GPC5: variants seen among roughly 807,000 people sequenced by gnomAD.
GPC5 encodes glypican 5, also known as glypican-5.
Under a neutral mutation model 53.9 loss-of-function variants are expected in GPC5, and 47 were observed. The ratio of observed to expected loss-of-function variants is 0.87; its 90% CI spans 0.69 to 1.11. GPC5 has a LOEUF of 1.11. GPC5 is among the 50% of genes most tolerant of loss of function. GPC5 has a pLI of 0.00. For missense variants in GPC5, 748 were observed against 713.1 expected (o/e 1.05, Z -0.56); for synonymous variants, 286 against 263.3 (o/e 1.09, Z -0.84).
At chr13:92,064,014 G>T (rs2138856516) in intron 6 of GPC5, among the ~76,000 whole-genome samples, 1 of 152,212 alleles carries the variant, frequency 6.6e-6, no homozygotes, top group South Asian at 2.1e-4. Flanking sequence ...AGAGAGAGCT[G>T]CCATTTTTAA....
At chr13:91,572,257 A>G (rs1416328814) in intron 2 of GPC5, among the ~76,000 whole-genome samples, 2 of 146,322 alleles carry the variant, frequency 1.4e-5, no homozygotes, top group Non-Finnish European at 3.0e-5. Flanking sequence ...ATATATACAC[A>G]TATGTATATA....
intron 7 of GPC5, among the ~76,000 whole-genome samples, chr13:92,554,308 T>G (rs1882420279): frequency 6.6e-6 from 1 of 151,936 alleles, no homozygotes; most frequent in South Asian, 2.1e-4. Context: ...TCAGTGAAAT[T>G]TTTAAAAATA....
intron 7 of GPC5, among the ~76,000 whole-genome samples, chr13:92,585,056 T>C (rs1883495366): frequency 1.3e-5 from 2 of 151,808 alleles, no homozygotes; most frequent in Admixed American, 1.3e-4. Context: ...GCTAGAGCAG[T>C]GTGAAAGGGA....
At chr13:91,494,358 T>TA (rs1426782516) in intron 2 of GPC5, among the ~76,000 whole-genome samples, 33 of 137,952 alleles carry the variant, frequency 2.4e-4, no homozygotes, top group African/African-American at 8.9e-4. Context: ...TTTTATTAAT[T>TA]ATTATTATTA....
intron 2 of GPC5, among the ~76,000 whole-genome samples, chr13:91,603,062 A>G (rs1021216506): frequency 3.3e-5 from 5 of 152,202 alleles, no homozygotes; most frequent in Admixed American, 1.3e-4. Flanking sequence ...GGGGTAGTGG[A>G]CATGTAATAT....
intron 7 of GPC5, among the ~76,000 whole-genome samples, chr13:92,591,288 G>A (rs527553646): frequency 1.3e-5 from 2 of 152,104 alleles, no homozygotes; most frequent in African/African-American, 2.4e-5. Context: ...ATTGACTGGG[G>A]AGCCTGATGT....
intron 2 of GPC5, among the ~76,000 whole-genome samples, chr13:91,644,186 A>G (rs1247196595): frequency 6.6e-6 from 1 of 152,142 alleles, no homozygotes; most frequent in Non-Finnish European, 1.5e-5. Flanking sequence ...TTTGAACAAT[A>G]CCTAACACTA....
chr13:92,776,433 A>G (rs1875809598), intron 7 of GPC5, among the ~76,000 whole-genome samples: 1 of 152,136 alleles, frequency 6.6e-6, no homozygotes, highest in Admixed American at 6.5e-5. Context: ...GCCCACCCGG[A>G]TAATTCAGGA....
intron 5 of GPC5, among the ~76,000 whole-genome samples, chr13:91,824,064 C>T (rs1337104306): frequency 6.6e-6 from 1 of 152,012 alleles, no homozygotes; most frequent in Non-Finnish European, 1.5e-5. Flanking sequence ...TAAGTGGTCA[C>T]ATGTGATTTA....
At chr13:92,661,144 A>T (rs1886326091) in intron 7 of GPC5, among the ~76,000 whole-genome samples, 1 of 151,950 alleles carries the variant, frequency 6.6e-6, no homozygotes, top group African/African-American at 2.4e-5. Context: ...TAATAATAAT[A>T]ATTAGCTGGG....
chr13:92,155,200 A>T (rs922867870), intron 7 of GPC5, among the ~76,000 whole-genome samples: 2 of 152,308 alleles, frequency 1.3e-5, no homozygotes, highest in Non-Finnish European at 2.9e-5. Context: ...AGTCTTAAAA[A>T]TTAATTTTGT....
At position 91,828,732 on chromosome 13, in the gene GPC5, T is replaced by C. The variant is rs373178040; in HGVS notation, c.1280+72312T>C. Among the ~76,000 whole-genome samples, 15 of 152,094 alleles carry C rather than the reference T, an allele frequency of 9.9e-5. No individual in the cohort carries two copies. The East Asian group carries it at 1.2e-3, about 12-fold the overall frequency. On this transcript the variant is annotated intron_variant, in intron 5 of 7. Coordinates refer to ENST00000377067, the MANE Select transcript of GPC5 (RefSeq NM_004466.6). ...GCACAATTTGAGTATCAGAAATTAGTAAATACAGTAGAAGATCATAATGTG... is the reference window on the plus strand; with the variant it reads ...GCACAATTTGAGTATCAGAAATTAGCAAATACAGTAGAAGATCATAATGTG...
chr13:91,536,277 G>A (rs1026656325), intron 2 of GPC5, among the ~76,000 whole-genome samples: 3 of 152,108 alleles, frequency 2.0e-5, no homozygotes, highest in African/African-American at 7.2e-5. Context: ...CAGCAACTCA[G>A]GGAGCAGTTG....
At chr13:92,471,637 TATAG>T (rs1878915555) in intron 7 of GPC5, among the ~76,000 whole-genome samples, 1 of 152,040 alleles carries the variant, frequency 6.6e-6, no homozygotes, top group African/African-American at 2.4e-5. Context: ...TATACATATA[TATAG>T]AGAGAGAGGG....
At chr13:91,540,553 A>G (rs972049132) in intron 2 of GPC5, among the ~76,000 whole-genome samples, 1 of 152,208 alleles carries the variant, frequency 6.6e-6, no homozygotes, top group African/African-American at 2.4e-5. Flanking sequence ...GATGGTTACA[A>G]CACTGCAGAC....
chr13:91,678,171 A>G (rs1439960748), intron 2 of GPC5, among the ~76,000 whole-genome samples: 8 of 152,130 alleles, frequency 5.3e-5, no homozygotes, highest in Non-Finnish European at 8.8e-5. Flanking sequence ...CTTTCAATTC[A>G]TTTCTTCCTC....
At chr13:92,262,970 C>A (rs1263902736) in intron 7 of GPC5, among the ~76,000 whole-genome samples, 1 of 152,084 alleles carries the variant, frequency 6.6e-6, no homozygotes, top group Non-Finnish European at 1.5e-5. Context: ...TTTCCATACT[C>A]TTTAGCTATT....
intron 7 of GPC5, among the ~76,000 whole-genome samples, chr13:92,385,445 CATATATACATATATACACATATAT>C (rs2043791082): frequency 2.4e-5 from 2 of 83,296 alleles, no homozygotes; most frequent in Admixed American, 1.2e-4. Context: ...TACATATATA[CATATATACATATATACACATATAT>C]ACATATATAC....
chr13:92,404,741 G>A (rs1875719707), intron 7 of GPC5, among the ~76,000 whole-genome samples: 1 of 149,818 alleles, frequency 6.7e-6, no homozygotes, highest in South Asian at 2.1e-4. Context: ...GTCTTTGACA[G>A]AGTCCAGTGT....
Sources: gnomAD v4.1 joint callset for allele counts (sites outside exome capture counted in the v4.1 genomes callset) on GRCh38, gnomAD v4.1.1 for gene constraint, MANE v1.5 for transcripts, NCBI Gene and HGNC (gene_info 2026-07-23, HGNC 2026-07-21) for gene names.